Variants in KLRG1 observed in about 807,000 individuals in gnomAD.
KLRG1 encodes killer cell lectin like receptor G1, also known as killer cell lectin-like receptor subfamily G member 1.
A neutral mutation model predicts 21.8 loss-of-function variants in KLRG1; 16 were observed. The observed-to-expected ratio is 0.73, with a 90% CI of 0.50 to 1.11. The LOEUF (loss-of-function observed/expected upper bound fraction) is 1.11, where lower values mean the gene tolerates loss of function less well. KLRG1 is among the 50% of genes most tolerant of loss of function. KLRG1 has a pLI of 0.00. For missense variants in KLRG1, 173 were observed against 218.3 expected (o/e 0.79, Z 1.31); for synonymous variants, 69 against 75.9 (o/e 0.91, Z 0.47).
At chr12:9,062,473 C>G in the KLRG1 span, among the ~76,000 whole-genome samples, 1 of 144,300 alleles carries the variant, frequency 6.9e-6, no homozygotes, top group Admixed American at 7.0e-5. Flanking sequence ...GATAATATAT[C>G]TGATATATTT....
the KLRG1 span, chr12:9,181,919 T>A: frequency 6.4e-7 from 1 of 1,558,704 alleles, no homozygotes; most frequent in Non-Finnish European, 8.7e-7. Flanking sequence ...GTAAAATAGA[T>A]GGCACCTACA....
chr12:9,003,513 C>T (rs926025413), intron 3 of KLRG1, among the ~76,000 whole-genome samples: 7 of 151,248 alleles, frequency 4.6e-5, no homozygotes, highest in Non-Finnish European at 1.0e-4. Context: ...TTAAATAATT[C>T]TTTAAACAAG....
At chr12:9,055,948 G>T in the KLRG1 span, among the ~76,000 whole-genome samples, 1 of 152,182 alleles carries the variant, frequency 6.6e-6, no homozygotes, top group African/African-American at 2.4e-5. Flanking sequence ...CTTCCAGGAA[G>T]TTAGTGTTCC....
the KLRG1 span, chr12:9,058,527 G>A: frequency 6.6e-6 from 1 of 151,536 alleles, no homozygotes; most frequent in African/African-American, 2.4e-5. Context: ...AAACATATAT[G>A]TTTTAATATA....
chr12:8,956,649 G>A (rs758043680), intron 1 of KLRG1, among the ~76,000 whole-genome samples: 3 of 152,104 alleles, frequency 2.0e-5, no homozygotes, highest in Non-Finnish European at 4.4e-5. Context: ...GTTTCGCCAC[G>A]TTGGCCCGGC....
chr12:9,008,981 C>A lies in KLRG1; in HGVS notation c.364C>A (p.Leu122Ile). 6.2e-7 allele frequency: 1 copy of A among 1,613,218 alleles called. No homozygotes were observed. Among genetic ancestry groups the A allele is most frequent in the Non-Finnish European group, 8.5e-7 (1 of 1,179,530 alleles). The change falls in exon 4 of 5, where the codon CTC (leucine) becomes ATC (isoleucine). Residue 122 changes from leucine to isoleucine, a missense_variant. Physicochemically the swap from Leu to Ile is conservative, Grantham distance 5. Coordinates refer to ENST00000356986, the MANE Select transcript of KLRG1 (RefSeq NM_005810.4). ...TTTTCAACCTCTCCCTTAGAGCCTG[C>A]TCCAAGTTTTCCTCAGTGAGGCCTT... is the stretch of plus-strand genomic sequence containing the variant. Reference protein sequence around the residue: ...VITDNQEMSLLQVFLSEAFCW... With the variant: ...VITDNQEMSLIQVFLSEAFCW...
At chr12:9,192,346 G>T in the KLRG1 span, 1 of 1,375,056 alleles carries the variant, frequency 7.3e-7, no homozygotes, top group Non-Finnish European at 1.0e-6. Flanking sequence ...CAGTTGTCAA[G>T]TCTGTGCTGG....
the KLRG1 span, among the ~76,000 whole-genome samples, chr12:9,074,238 C>T: frequency 6.6e-6 from 1 of 151,986 alleles, no homozygotes; most frequent in Non-Finnish European, 1.5e-5. Context: ...TGAAAGAGAC[C>T]CTAGAGCTTT....
the KLRG1 span, chr12:9,200,349 A>C: frequency 0.031 from 48,408 of 1,550,066 alleles, 971 homozygotes; most frequent in Middle Eastern, 0.13. Flanking sequence ...TTTAGATAAA[A>C]ACAATGTAAC....
the KLRG1 span, chr12:9,165,476 G>C: frequency 8.2e-7 from 1 of 1,223,698 alleles, no homozygotes; most frequent in Non-Finnish European, 1.2e-6. Context: ...CCACTTAAGG[G>C]TATATGCGAG....
the KLRG1 span, among the ~76,000 whole-genome samples, chr12:9,173,590 TAAA>T: frequency 6.6e-6 from 1 of 151,398 alleles, no homozygotes; most frequent in Non-Finnish European, 1.5e-5. Context: ...GCTAGACTAA[TAAA>T]GAAGAAAAAA....
chr12:9,172,665 G>GA, the KLRG1 span, among the ~76,000 whole-genome samples: 1 of 151,004 alleles, frequency 6.6e-6, no homozygotes, highest in Admixed American at 6.6e-5. Context: ...ATGGAAAACA[G>GA]AAAAAAGCAA....
the KLRG1 span, chr12:9,027,469 C>G: frequency 7.9e-6 from 6 of 760,940 alleles, no homozygotes; most frequent in Non-Finnish European, 1.3e-5. Flanking sequence ...AAATCTGTTG[C>G]CTGTAGCTTC....
the KLRG1 span, among the ~76,000 whole-genome samples, chr12:9,043,463 C>T: frequency 6.6e-6 from 1 of 152,142 alleles, no homozygotes; most frequent in Non-Finnish European, 1.5e-5. Context: ...GGAAGTTCAC[C>T]CAAAGGACTC....
chr12:9,027,514 C>G, the KLRG1 span: 1 of 1,115,402 alleles, frequency 9.0e-7, no homozygotes, highest in South Asian at 1.2e-5. Context: ...TCCTGCTAAG[C>G]TTTGTTTCCT....
chr12:9,104,878 T>C, the KLRG1 span, among the ~76,000 whole-genome samples: 12 of 152,218 alleles, frequency 7.9e-5, no homozygotes, highest in Non-Finnish European at 1.5e-5. Context: ...TATAGATTAG[T>C]GTCTGAAGTC....
intron 1 of KLRG1, among the ~76,000 whole-genome samples, chr12:8,972,591 T>A (rs1039178326): frequency 6.6e-6 from 1 of 152,258 alleles, no homozygotes; most frequent in African/African-American, 2.4e-5. Flanking sequence ...TGTATGCTTT[T>A]AGCAACCTTG....
At chr12:9,084,202 A>G in the KLRG1 span, among the ~76,000 whole-genome samples, 1 of 152,148 alleles carries the variant, frequency 6.6e-6, no homozygotes, top group Non-Finnish European at 1.5e-5. Context: ...GGAGTTCTTT[A>G]AGCTGAAACA....
the KLRG1 span, chr12:9,077,224 C>G: frequency 2.1e-6 from 2 of 975,200 alleles, no homozygotes; most frequent in South Asian, 1.7e-5. Flanking sequence ...CTGGGAAGCA[C>G]TGGCATTGCA....
Sources: allele counts gnomAD v4.1 joint callset (sites outside exome capture counted in the v4.1 genomes callset), GRCh38; gene constraint gnomAD v4.1.1; transcripts MANE v1.5; gene names NCBI Gene and HGNC (gene_info 2026-07-23, HGNC 2026-07-21).